The following SPTLC2 variants were observed in gnomAD, a reference collection of about 807,000 sequenced individuals.
SPTLC2 encodes the protein serine palmitoyltransferase 2.
A neutral mutation model predicts 62.0 loss-of-function variants in SPTLC2; 21 were observed. The observed-to-expected ratio is 0.34, with a 90% CI of 0.24 to 0.49. SPTLC2 has a LOEUF of 0.49. Ranked by LOEUF, SPTLC2 falls within the 20% of genes least tolerant of loss-of-function variation. The pLI, the probability that SPTLC2 is intolerant of heterozygous loss-of-function variation, is 0.99. For synonymous variants in SPTLC2, 261 were observed against 261.8 expected, an observed-to-expected ratio of 1.00 and a Z score of 0.03; for missense variants, 511 against 713.0, an observed-to-expected ratio of 0.72 and a Z score of 3.23.
intron 2 of SPTLC2, among the ~76,000 whole-genome samples, chr14:77,582,091 C>G (rs1030526152): frequency 6.6e-6 from 1 of 151,124 alleles, no homozygotes; most frequent in African/African-American, 2.4e-5. Context: ...CTCACTCTGT[C>G]ACCCAGGCTG....
chr14:77,539,551 G>A (rs528124693), intron 9 of SPTLC2, among the ~76,000 whole-genome samples: 1 of 137,870 alleles, frequency 7.3e-6, no homozygotes, highest in East Asian at 2.2e-4. Flanking sequence ...GTACAGTGGT[G>A]TGATCTCGGT....
chr14:77,549,119 C>T (rs1464947731), intron 9 of SPTLC2, among the ~76,000 whole-genome samples: 1 of 151,432 alleles, frequency 6.6e-6, no homozygotes, highest in African/African-American at 2.4e-5. Flanking sequence ...GGAGGATCCT[C>T]GTGAATGGCT....
At chr14:77,563,228 T>C (rs1424405405) in intron 5 of SPTLC2, among the ~76,000 whole-genome samples, 3 of 152,042 alleles carry the variant, frequency 2.0e-5, no homozygotes, top group Admixed American at 1.3e-4. Context: ...AGAAAGTATA[T>C]AGCATGCTCC....
At chr14:77,572,537 T>C (rs552619294) in intron 4 of SPTLC2, among the ~76,000 whole-genome samples, 68 of 152,298 alleles carry the variant, frequency 4.5e-4, no homozygotes, top group African/African-American at 1.6e-3. Flanking sequence ...AACTTAAAAT[T>C]AGCACCTAAA....
At chr14:77,529,623 T>TCC (rs199696395) in intron 9 of SPTLC2, among the ~76,000 whole-genome samples, 1 of 68,300 alleles carries the variant, frequency 1.5e-5, no homozygotes, top group African/African-American at 6.5e-5. Flanking sequence ...TTTCTTTCTT[T>TCC]TTTTTTTTTT....
At chr14:77,567,422 CTTCAAAATGCAGGACAGCAACGTA>C (rs1200413750) in intron 5 of SPTLC2, among the ~76,000 whole-genome samples, 1 of 152,226 alleles carries the variant, frequency 6.6e-6, no homozygotes, top group African/African-American at 2.4e-5. Flanking sequence ...CAGGCTTGTA[CTTCAAAATGCAGGACAGCAACGTA>C]TTATAACGTG....
chr14:77,532,264 T>A (rs1476745358), intron 9 of SPTLC2, among the ~76,000 whole-genome samples: 2 of 152,194 alleles, frequency 1.3e-5, no homozygotes, highest in South Asian at 4.1e-4. Flanking sequence ...AAATGAAAGC[T>A]GGCCTTCCCT....
At chr14:77,614,284 A>C (rs541460046) in intron 1 of SPTLC2, among the ~76,000 whole-genome samples, 21 of 152,250 alleles carry the variant, frequency 1.4e-4, no homozygotes, top group Non-Finnish European at 2.6e-4. Context: ...AAATCTGAAC[A>C]TAACTCATAG....
At chr14:77,577,065 G>A in intron 3 of SPTLC2, 150 bp from the exon 4 acceptor site, 1 of 824,738 alleles carries the variant, frequency 1.2e-6, no homozygotes, top group East Asian at 2.6e-5. Flanking sequence ...GGAAATAGAA[G>A]TTAAAATAAT....
intron 8 of SPTLC2, among the ~76,000 whole-genome samples, chr14:77,553,003 T>C (rs1438377315): frequency 6.6e-6 from 1 of 152,088 alleles, no homozygotes; most frequent in Non-Finnish European, 1.5e-5. Context: ...GCATTAGAAC[T>C]TCCTCCAGAT....
At chr14:77,595,146 T>C (rs2079839807) in intron 2 of SPTLC2, among the ~76,000 whole-genome samples, 1 of 151,968 alleles carries the variant, frequency 6.6e-6, no homozygotes, top group Non-Finnish European at 1.5e-5. Flanking sequence ...GGTGGATCGT[T>C]TGAGGTCAAG....
intron 9 of SPTLC2, among the ~76,000 whole-genome samples, chr14:77,536,199 G>C (rs1320838942): frequency 5.3e-5 from 8 of 152,114 alleles, no homozygotes; most frequent in Non-Finnish European, 8.8e-5. Flanking sequence ...ATGATGAAAA[G>C]GTTCTATAAA....
intron 5 of SPTLC2, among the ~76,000 whole-genome samples, chr14:77,564,236 G>GAAAAAA (rs3080470): frequency 1.8e-5 from 2 of 110,656 alleles, no homozygotes; most frequent in Non-Finnish European, 3.5e-5. Flanking sequence ...TGTCTGGGGG[G>GAAAAAA]AAAAAAAAAA....
chr14:77,606,657 A>G (rs1321744109), intron 1 of SPTLC2, among the ~76,000 whole-genome samples: 4 of 151,914 alleles, frequency 2.6e-5, no homozygotes, highest in Non-Finnish European at 1.5e-5. Context: ...TTTTCCACTC[A>G]TTCTACAAAT....
intron 3 of SPTLC2, among the ~76,000 whole-genome samples, chr14:77,578,445 G>A (rs1388041038): frequency 1.3e-5 from 2 of 151,880 alleles, no homozygotes; most frequent in African/African-American, 2.4e-5. Flanking sequence ...GGCTGGGCGC[G>A]GTGACTCATG....
intron 9 of SPTLC2, among the ~76,000 whole-genome samples, chr14:77,541,656 G>A (rs545959465): frequency 6.6e-6 from 1 of 152,132 alleles, no homozygotes; most frequent in Non-Finnish European, 1.5e-5. Flanking sequence ...GCTCTAAAGT[G>A]GGGGGAGAAG....
intron 10 of SPTLC2, among the ~76,000 whole-genome samples, chr14:77,518,596 C>CAA (rs11400711): frequency 0.016 from 2,258 of 143,056 alleles, 53 homozygotes; most frequent in African/African-American, 0.042. Flanking sequence ...GGCTCTGTCT[C>CAA]AAAAAAAAAA....
intron 4 of SPTLC2, among the ~76,000 whole-genome samples, chr14:77,571,628 C>T (rs1202648215): frequency 3.3e-5 from 5 of 151,924 alleles, no homozygotes; most frequent in Admixed American, 2.6e-4. Flanking sequence ...AGAAAAGATG[C>T]GGGAAAGAAG....
intron 8 of SPTLC2, among the ~76,000 whole-genome samples, chr14:77,554,469 C>T (rs2079572223): frequency 6.6e-6 from 1 of 152,200 alleles, no homozygotes; most frequent in African/African-American, 2.4e-5. Flanking sequence ...TGTTTCTATG[C>T]TTATTCTAGG....
Sources: allele counts gnomAD v4.1 joint callset (sites outside exome capture counted in the v4.1 genomes callset), GRCh38; gene constraint gnomAD v4.1.1; transcripts MANE v1.5; gene names NCBI Gene and HGNC (gene_info 2026-07-23, HGNC 2026-07-21).